The following TCF7L2 variants were observed in gnomAD, a reference collection of about 807,000 sequenced individuals.
TCF7L2 encodes the protein transcription factor 7 like 2.
Under a neutral mutation model 77.9 loss-of-function variants are expected in TCF7L2, and 23 were observed. The ratio of observed to expected loss-of-function variants is 0.30; its 90% CI spans 0.21 to 0.42. TCF7L2 has a LOEUF of 0.42. TCF7L2 is among the 10% of genes least tolerant of loss of function. TCF7L2 has a pLI of 1.00. For synonymous variants in TCF7L2, 413 were observed against 340.2 expected, an observed-to-expected ratio of 1.21 and a Z score of -2.36; for missense variants, 654 against 793.1, an observed-to-expected ratio of 0.82 and a Z score of 2.11.
chr10:112,993,425 G>C (rs567489928), intron 4 of TCF7L2, among the ~76,000 whole-genome samples: 1 of 152,034 alleles, frequency 6.6e-6, no homozygotes, highest in South Asian at 2.1e-4. Flanking sequence ...AGAATCACTG[G>C]AACCCAGGAG....
intron 5 of TCF7L2, among the ~76,000 whole-genome samples, chr10:113,047,091 C>T (rs2053593606): frequency 1.3e-5 from 2 of 152,080 alleles, no homozygotes. Context: ...AGATTGTCTC[C>T]TTTTGTTTCT....
chr10:113,048,155 C>T (rs1055269956), intron 5 of TCF7L2, among the ~76,000 whole-genome samples: 11 of 152,112 alleles, frequency 7.2e-5, no homozygotes, highest in South Asian at 4.1e-4. Context: ...GTTTTTGTTT[C>T]GGCACCTGCT....
chr10:112,964,793 ATGGTGGTGGTGGTGG>A (rs1347417419), intron 4 of TCF7L2, among the ~76,000 whole-genome samples, 169 bp downstream of exon 4: 1 of 61,286 alleles, frequency 1.6e-5, no homozygotes, highest in African/African-American at 8.1e-5. Context: ...GGTGGTGGTG[ATGGTGGTGGTGGTGG>A]TGGTGGGGGG....
At position 112,991,082 on chromosome 10, in the gene TCF7L2, G is replaced by A. The variant is rs921319456; in HGVS notation, c.450+26458G>A. Among the ~76,000 whole-genome samples the A allele has an allele frequency of 1.4e-4, 22 of 152,256 alleles. No homozygotes were observed. The South Asian group carries it at 1.9e-3, about 13-fold the overall frequency. ...CAGGTGGAGTGGACATGCCAAAGTT[G>A]TGGGCCAGACTCGGACTGCCTGGCT... On this transcript the variant is annotated intron_variant, in intron 4 of 13. Transcript: ENST00000627217.
intron 4 of TCF7L2, among the ~76,000 whole-genome samples, chr10:112,991,094 C>T (rs545678407): frequency 3.3e-5 from 5 of 152,290 alleles, no homozygotes; most frequent in Admixed American, 2.6e-4. Context: ...GGGCCAGACT[C>T]GGACTGCCTG....
chr10:112,966,177 A>AATATACATAT (rs1564721739), intron 4 of TCF7L2, among the ~76,000 whole-genome samples: 1 of 45,122 alleles, frequency 2.2e-5, no homozygotes, highest in African/African-American at 1.3e-4. Flanking sequence ...CTCTGTCTAA[A>AATATACATAT]ATATATTTAT....
At chr10:113,159,593 T>C (rs2072703792) in intron 12 of TCF7L2, among the ~76,000 whole-genome samples, 2 of 152,148 alleles carry the variant, frequency 1.3e-5, no homozygotes, top group African/African-American at 4.8e-5. Flanking sequence ...AGTTATTCCA[T>C]GTCTAACTTC....
At chr10:113,005,374 G>A (rs1034616377) in intron 4 of TCF7L2, among the ~76,000 whole-genome samples, 1 of 152,210 alleles carries the variant, frequency 6.6e-6, no homozygotes, top group Non-Finnish European at 1.5e-5. Context: ...CTGTGGAGGG[G>A]TGCCCCATCT....
intron 4 of TCF7L2, among the ~76,000 whole-genome samples, chr10:113,034,132 T>G (rs2050723371): frequency 6.6e-6 from 1 of 152,238 alleles, no homozygotes; most frequent in African/African-American, 2.4e-5. Flanking sequence ...TCAGGCCTCT[T>G]CTTTAACAGA....
chr10:112,997,949 C>G (rs1381144686), intron 4 of TCF7L2, among the ~76,000 whole-genome samples: 1 of 152,012 alleles, frequency 6.6e-6, no homozygotes, highest in Admixed American at 6.6e-5. Flanking sequence ...TATTACAACC[C>G]CGTGTGCAAA....
intron 4 of TCF7L2, among the ~76,000 whole-genome samples, chr10:113,021,289 AT>A (rs2048236447): frequency 6.6e-6 from 1 of 152,184 alleles, no homozygotes; most frequent in Non-Finnish European, 1.5e-5. Flanking sequence ...AAGACTGCAA[AT>A]GTTAGATGAT....
rs558187701 is a variant in TCF7L2 at position 113,153,906 on chromosome 10, C to T, written c.1269+1466C>T. 1.6e-4 allele frequency among the ~76,000 whole-genome samples: 25 copies of T among 152,358 alleles called. No homozygotes were observed. The Middle Eastern group carries it at 0.01, about 62-fold the overall frequency. ...CTCTTTCTTCTCATACTTTTAAACC[C>T]GTGCTTGCCATGTAGATGAGGGAAC... On this transcript the variant is annotated intron_variant, in intron 11 of 13. Transcript: ENST00000627217.
rs1405992337 is a variant in TCF7L2, at chr10:113,166,104, T to C, written c.*132T>C. 2.6e-6 allele frequency: 2 copies of C among 776,090 alleles called. No individual in the cohort carries two copies. The highest frequency in any genetic ancestry group is 1.8e-6 in the Non-Finnish European group (1 of 552,184). 48.1% of individuals were successfully genotyped at this position (776,090 alleles called of 1,614,324 possible). The stretch of plus-strand genomic sequence containing the variant: ...TGTGCCATGTGGCTACATTAGTTGA[T>C]GTTTATCGAGTTCATTGGTCAATAT... On this transcript the variant is annotated 3_prime_UTR_variant, in exon 14 of 14. Coordinates refer to ENST00000627217, the MANE Select transcript of TCF7L2 (RefSeq NM_001146274.2).
At chr10:113,133,896 C>G (rs924098034) in intron 5 of TCF7L2, among the ~76,000 whole-genome samples, 36 of 152,172 alleles carry the variant, frequency 2.4e-4, no homozygotes, top group African/African-American at 8.2e-4. Flanking sequence ...ACTCTGCAGC[C>G]TGCGGGGGTA....
chr10:113,021,544 T>G (rs1244478781), intron 4 of TCF7L2, among the ~76,000 whole-genome samples: 1 of 152,234 alleles, frequency 6.6e-6, no homozygotes, highest in Admixed American at 6.5e-5. Context: ...TACTATAAGC[T>G]GCTGCCTGCA....
At chr10:113,085,205 C>G (rs1485886254) in intron 5 of TCF7L2, among the ~76,000 whole-genome samples, 1 of 151,372 alleles carries the variant, frequency 6.6e-6, no homozygotes, top group Non-Finnish European at 1.5e-5. Context: ...TAGCTACAGG[C>G]CTGCACCACC....
chr10:113,124,085 T>C (rs909126444), intron 5 of TCF7L2, among the ~76,000 whole-genome samples: 4 of 152,150 alleles, frequency 2.6e-5, no homozygotes, highest in Admixed American at 1.3e-4. Context: ...AGAGATGACA[T>C]CAGTGGCTAT....
rs2137651105 is a variant in TCF7L2, at chr10:113,165,721, T to G, written c.1558T>G (p.Ser520Ala). 3.7e-6 allele frequency: 6 copies of G among 1,611,118 alleles called. No individual in the cohort carries two copies. The highest frequency in any genetic ancestry group is 5.1e-6 in the Non-Finnish European group (6 of 1,179,286). ...TGAGCAGACCCAGCCTCTGTCGCTG[T>G]CCCTGAAGCCCGACCCCCTGGCCCA... Residue 520 changes from serine to alanine, a missense_variant, in exon 14 of 14, where the codon TCC becomes GCC. Ser to Ala is a moderately conservative substitution (Grantham distance 99). Transcript: ENST00000627217.
chr10:113,083,636 C>T (rs1043296631), intron 5 of TCF7L2, among the ~76,000 whole-genome samples: 6 of 152,122 alleles, frequency 3.9e-5, no homozygotes, highest in East Asian at 1.9e-4. Flanking sequence ...TCCAAGGTTA[C>T]GCGTGTGTAC....
Sources: allele counts gnomAD v4.1 joint callset (sites outside exome capture counted in the v4.1 genomes callset), GRCh38; gene constraint gnomAD v4.1.1; transcripts MANE v1.5; gene names NCBI Gene and HGNC (gene_info 2026-07-23, HGNC 2026-07-21).